CALN1: variants seen among roughly 807,000 people sequenced by gnomAD.
CALN1 encodes the protein calcium-binding protein 8.
In CALN1, 17 loss-of-function variants were observed where a neutral mutation model predicts 30.6. The ratio of observed to expected loss-of-function variants is 0.56; its 90% CI spans 0.38 to 0.83. The LOEUF (loss-of-function observed/expected upper bound fraction) is 0.83. CALN1 is among the 40% of genes least tolerant of loss of function. The probability of loss-of-function intolerance (pLI) is 0.00; values close to 1 mark genes in which losing one functional copy is unlikely to be tolerated. For missense variants in CALN1, 291 were observed against 354.9 expected (o/e 0.82, Z 1.45); for synonymous variants, 156 against 131.4 (o/e 1.19, Z -1.28).
At chr7:72,071,982 A>G (rs911525633) in intron 4 of CALN1, among the ~76,000 whole-genome samples, 1 of 152,188 alleles carries the variant, frequency 6.6e-6, no homozygotes, top group African/African-American at 2.4e-5. Flanking sequence ...ACTTCTTCAG[A>G]GCAGAAGGAA....
At chr7:72,395,929 A>G (rs527833691) in intron 2 of CALN1, among the ~76,000 whole-genome samples, 2 of 152,226 alleles carry the variant, frequency 1.3e-5, no homozygotes, top group East Asian at 3.9e-4. Flanking sequence ...TTTAGGAGGT[A>G]GGACCTCCAA....
intron 5 of CALN1, among the ~76,000 whole-genome samples, chr7:71,829,456 C>G (rs1789129841): frequency 1.3e-5 from 2 of 152,164 alleles, no homozygotes; most frequent in Non-Finnish European, 2.9e-5. Context: ...TTGCTTTAAG[C>G]CACAAAGTGT....
intron 4 of CALN1, among the ~76,000 whole-genome samples, chr7:72,049,240 T>TA (rs1338809864): frequency 6.6e-6 from 1 of 151,062 alleles, no homozygotes; most frequent in Non-Finnish European, 1.5e-5. Context: ...ACAGGGAAAA[T>TA]AAAAAAGAGG....
At chr7:72,354,188 A>G (rs1050613281) in intron 2 of CALN1, among the ~76,000 whole-genome samples, 2 of 152,204 alleles carry the variant, frequency 1.3e-5, no homozygotes, top group African/African-American at 4.8e-5. Context: ...CTCCATCTCA[A>G]GAAAAAGTCC....
intron 3 of CALN1, among the ~76,000 whole-genome samples, chr7:72,247,439 G>A (rs1483828561): frequency 6.6e-6 from 1 of 151,156 alleles, no homozygotes. Flanking sequence ...AGTAGAGACG[G>A]GTTTCACCAT....
intron 2 of CALN1, among the ~76,000 whole-genome samples, chr7:72,310,220 T>C (rs943535901): frequency 1.3e-5 from 2 of 151,788 alleles, no homozygotes; most frequent in Admixed American, 6.6e-5. Context: ...TGAAAAACCC[T>C]AGACAGCACA....
At chr7:71,976,338 C>T (rs1798102429) in intron 5 of CALN1, among the ~76,000 whole-genome samples, 2 of 152,120 alleles carry the variant, frequency 1.3e-5, no homozygotes, top group South Asian at 4.1e-4. Flanking sequence ...CTTCCAGGGA[C>T]CCTTCCTTTG....
At chr7:72,215,511 T>C (rs1309382224) in intron 3 of CALN1, among the ~76,000 whole-genome samples, 1 of 150,752 alleles carries the variant, frequency 6.6e-6, no homozygotes, top group African/African-American at 2.5e-5. Context: ...GGAGAATCAC[T>C]TGAACCCAAG....
At chr7:72,257,739 A>T (rs1365588966) in intron 3 of CALN1, among the ~76,000 whole-genome samples, 1 of 152,240 alleles carries the variant, frequency 6.6e-6, no homozygotes, top group Admixed American at 6.5e-5. Context: ...GAGTGGATAA[A>T]GAAAATGTAG....
chr7:72,397,714 T>TCTCACACACACA (rs142607076), intron 2 of CALN1, among the ~76,000 whole-genome samples: 1,767 of 142,888 alleles, frequency 0.012, 16 homozygotes, highest in African/African-American at 0.016. Context: ...CCATTCTCTC[T>TCTCACACACACA]CACACACACA....
the CALN1 span, among the ~76,000 whole-genome samples, chr7:72,490,834 C>T: frequency 6.6e-6 from 1 of 152,192 alleles, no homozygotes; most frequent in Admixed American, 6.5e-5. Context: ...TCAATTAAAG[C>T]TCTTTTCTTC....
chr7:72,153,445 G>A (rs1008552797), intron 3 of CALN1, among the ~76,000 whole-genome samples: 7 of 151,882 alleles, frequency 4.6e-5, no homozygotes, highest in African/African-American at 7.3e-5. Flanking sequence ...TTGGGAGGTC[G>A]AGGTGGGAGG....
At chr7:72,143,221 C>A (rs1355913622) in intron 3 of CALN1, among the ~76,000 whole-genome samples, 2 of 152,086 alleles carry the variant, frequency 1.3e-5, no homozygotes, top group Non-Finnish European at 2.9e-5. Flanking sequence ...AAGTTAAAAA[C>A]CTTGAAAAAA....
rs1458205075 is a variant in CALN1 at position 71,871,958 on chromosome 7, TTCCGTACTGTCCAACACG to T, written c.502-61484_502-61467del. Among the ~76,000 whole-genome samples the T allele has an allele frequency of 5.3e-5, 8 of 152,328 alleles. No homozygotes were observed. The East Asian group carries it at 1.2e-3, about 22-fold the overall frequency. The stretch of plus-strand genomic sequence containing the variant: ...CTTTCTGCCATGATGGAAATGATCA[TTCCGTACTGTCCAACACG>T]GTAGCCACTGGCTACATGTGTCTAC... On this transcript the variant is annotated intron_variant, in intron 5 of 6. Coordinates refer to ENST00000395275, the MANE Select transcript of CALN1 (RefSeq NM_031468.4).
intron 2 of CALN1, among the ~76,000 whole-genome samples, chr7:72,380,852 G>C (rs766521983): frequency 1.3e-5 from 2 of 152,112 alleles, no homozygotes; most frequent in African/African-American, 2.4e-5. Flanking sequence ...AAAAAGAAAA[G>C]AAACAAGTAA....
the CALN1 span, among the ~76,000 whole-genome samples, chr7:72,501,928 A>AAAAAAAAATAT: frequency 5.2e-5 from 3 of 57,940 alleles, no homozygotes; most frequent in African/African-American, 3.0e-4. Flanking sequence ...AAAAAAAAAA[A>AAAAAAAAATAT]ATATATATAT....
chr7:72,323,558 G>A (rs1363836704), intron 2 of CALN1, among the ~76,000 whole-genome samples: 1 of 151,812 alleles, frequency 6.6e-6, no homozygotes, highest in Non-Finnish European at 1.5e-5. Context: ...AGCTACTCAG[G>A]AGGCCAAGGC....
intron 5 of CALN1, among the ~76,000 whole-genome samples, chr7:71,908,548 T>C (rs984211313): frequency 1.3e-5 from 2 of 152,098 alleles, no homozygotes; most frequent in Admixed American, 6.6e-5. Flanking sequence ...TTTCCAAAGT[T>C]CACTGATTCA....
intron 5 of CALN1, among the ~76,000 whole-genome samples, chr7:71,850,098 AG>A (rs1371851110): frequency 6.6e-6 from 1 of 152,234 alleles, no homozygotes; most frequent in Non-Finnish European, 1.5e-5. Flanking sequence ...TTCTTGTGAA[AG>A]GAAAAAGTAC....
Sources: allele counts gnomAD v4.1 joint callset (sites outside exome capture counted in the v4.1 genomes callset), GRCh38; gene constraint gnomAD v4.1.1; transcripts MANE v1.5; gene names NCBI Gene and HGNC (gene_info 2026-07-23, HGNC 2026-07-21).